The following AUTS2 variants were observed in gnomAD, a reference collection of about 807,000 sequenced individuals.
The protein encoded by AUTS2 is autism susceptibility gene 2 protein.
Under a neutral mutation model 112.4 loss-of-function variants are expected in AUTS2, and 17 were observed. That is an observed-to-expected ratio of 0.15 (90% CI 0.10 to 0.23). AUTS2 has a LOEUF of 0.23. Among genes scored for constraint, AUTS2 ranks in the 10% least tolerant of loss-of-function variants. The pLI is 1.00. For synonymous variants in AUTS2, 751 were observed against 702.7 expected (o/e 1.07, Z -1.09); for missense variants, 1,510 against 1,701.6 (o/e 0.89, Z 1.98).
intron 5 of AUTS2, among the ~76,000 whole-genome samples, chr7:70,493,301 G>C (rs1363489347): frequency 6.6e-6 from 1 of 152,164 alleles, no homozygotes; most frequent in Non-Finnish European, 1.5e-5. Flanking sequence ...CCAGCTCTTT[G>C]AATAGATCTT....
intron 4 of AUTS2, among the ~76,000 whole-genome samples, chr7:70,165,391 G>A (rs1808328784): frequency 6.6e-6 from 1 of 152,108 alleles, no homozygotes; most frequent in Admixed American, 6.5e-5. Flanking sequence ...CAAAGATAAA[G>A]AAGTCTTGAA....
intron 5 of AUTS2, among the ~76,000 whole-genome samples, chr7:70,629,333 G>A (rs531018378): frequency 5.3e-5 from 8 of 152,250 alleles, no homozygotes; most frequent in Middle Eastern, 3.4e-3. Context: ...TTAGCCAGGC[G>A]TGGTGGCAGG....
intron 1 of AUTS2, among the ~76,000 whole-genome samples, chr7:69,640,396 A>G (rs762027857): frequency 3.3e-5 from 5 of 152,258 alleles, no homozygotes; most frequent in Admixed American, 3.3e-4. Flanking sequence ...TGCACAGTTC[A>G]GTAAACATTG....
intron 1 of AUTS2, among the ~76,000 whole-genome samples, chr7:69,602,054 G>A (rs62457177): frequency 0.19 from 2,623 of 13,716 alleles, 31 homozygotes; most frequent in East Asian, 0.32. Context: ...GTGTGTGTGT[G>A]TGTGTGTGTG....
At chr7:70,210,366 C>T (rs2129587777) in intron 4 of AUTS2, among the ~76,000 whole-genome samples, 1 of 152,304 alleles carries the variant, frequency 6.6e-6, no homozygotes. Flanking sequence ...CTTTATTGCA[C>T]AGTTGAAATC....
intron 2 of AUTS2, among the ~76,000 whole-genome samples, chr7:70,068,551 T>A (rs1563077465): frequency 6.6e-6 from 1 of 152,172 alleles, no homozygotes; most frequent in Non-Finnish European, 1.5e-5. Flanking sequence ...TCATGAAAGA[T>A]TTTATGTTCA....
At chr7:69,859,299 T>C (rs1369828429) in intron 1 of AUTS2, among the ~76,000 whole-genome samples, 1 of 152,188 alleles carries the variant, frequency 6.6e-6, no homozygotes, top group Non-Finnish European at 1.5e-5. Flanking sequence ...GAATAGATGG[T>C]ATATGTAAGA....
intron 1 of AUTS2, among the ~76,000 whole-genome samples, chr7:69,680,583 C>A (rs1796747249): frequency 6.6e-6 from 1 of 152,182 alleles, no homozygotes. Flanking sequence ...AAACTCTATA[C>A]CCCTTAAACA....
intron 4 of AUTS2, among the ~76,000 whole-genome samples, chr7:70,352,709 C>G (rs1036535074): frequency 1.6e-4 from 24 of 152,150 alleles, no homozygotes; most frequent in African/African-American, 5.3e-4. Flanking sequence ...ATGAGATAAG[C>G]ACAGGTGTGA....
Position 69,667,350 on chromosome 7 carries a change from G to GT in AUTS2, c.309+67409dup, listed in dbSNP as rs58991076. Among the ~76,000 whole-genome samples, 535 of 134,366 alleles carry GT rather than the reference G, an allele frequency of 4.0e-3. 3 individuals carry two copies. Among genetic ancestry groups the GT allele is most frequent in the South Asian group, 0.02 (85 of 4,234 alleles). 88.1% of individuals were successfully genotyped at this position (134,366 alleles called of 152,430 possible). ...CAAAATCAAGCTTTTGTTTTGTTGT[G>GT]TTTTTTTTTTTTTTTTTTTTTGAGA... On this transcript the variant is annotated intron_variant, in intron 1 of 18. Transcript: ENST00000342771.
chr7:70,333,468 A>G (rs1343496673), intron 4 of AUTS2, among the ~76,000 whole-genome samples: 1 of 152,186 alleles, frequency 6.6e-6, no homozygotes, highest in African/African-American at 2.4e-5. Context: ...TATATACCTA[A>G]AGGATTATAA....
intron 2 of AUTS2, among the ~76,000 whole-genome samples, chr7:69,947,539 T>C (rs575134090): frequency 8.5e-5 from 13 of 152,328 alleles, no homozygotes; most frequent in African/African-American, 2.6e-4. Context: ...AAAAGTAGTA[T>C]GTCTAAGTTT....
At chr7:70,123,774 G>A (rs557208234) in intron 3 of AUTS2, among the ~76,000 whole-genome samples, 34 of 152,192 alleles carry the variant, frequency 2.2e-4, no homozygotes, top group Non-Finnish European at 3.2e-4. Flanking sequence ...GGTGTAGCCC[G>A]TGTATTTGCT....
At chr7:70,369,023 T>G (rs969544311) in intron 4 of AUTS2, among the ~76,000 whole-genome samples, 1 of 152,212 alleles carries the variant, frequency 6.6e-6, no homozygotes, top group Non-Finnish European at 1.5e-5. Context: ...TAGCTGTGAT[T>G]CAGTTTCTTA....
intron 4 of AUTS2, among the ~76,000 whole-genome samples, chr7:70,380,190 T>G (rs73173588): frequency 0.027 from 4,055 of 152,318 alleles, 62 homozygotes; most frequent in Middle Eastern, 0.068. Flanking sequence ...AGCAAGGACT[T>G]AGGTATTTGG....
intron 2 of AUTS2, among the ~76,000 whole-genome samples, chr7:69,934,981 T>A (rs1341687309): frequency 1.3e-5 from 2 of 152,186 alleles, no homozygotes; most frequent in African/African-American, 4.8e-5. Context: ...AAAGTTACGG[T>A]TTTGTTTGTT....
At chr7:69,806,749 C>A (rs572985904) in intron 1 of AUTS2, among the ~76,000 whole-genome samples, 1 of 152,288 alleles carries the variant, frequency 6.6e-6, no homozygotes, top group East Asian at 1.9e-4. Flanking sequence ...GGGATTTAAT[C>A]CCTAGCATTT....
chr7:70,231,726 G>A (rs1050673975), intron 4 of AUTS2, among the ~76,000 whole-genome samples: 2 of 150,706 alleles, frequency 1.3e-5, no homozygotes, highest in Non-Finnish European at 2.9e-5. Context: ...ACAGGTGTGA[G>A]CCACCACACC....
intron 4 of AUTS2, among the ~76,000 whole-genome samples, chr7:70,269,873 A>G (rs143079343): frequency 2.2e-4 from 33 of 152,272 alleles, no homozygotes; most frequent in Non-Finnish European, 4.4e-4. Context: ...TGTGAAATTG[A>G]AATAAAAAAC....
Sources: gnomAD v4.1 joint callset for allele counts (sites outside exome capture counted in the v4.1 genomes callset) on GRCh38, gnomAD v4.1.1 for gene constraint, MANE v1.5 for transcripts, NCBI Gene and HGNC (gene_info 2026-07-23, HGNC 2026-07-21) for gene names.